TOP2B: variants seen among roughly 807,000 people sequenced by gnomAD.
TOP2B encodes DNA topoisomerase 2-beta.
A neutral mutation model predicts 193.5 loss-of-function variants in TOP2B; 51 were observed. The ratio of observed to expected loss-of-function variants is 0.26; its 90% CI spans 0.21 to 0.33. TOP2B has a LOEUF of 0.33. TOP2B is among the 10% of genes least tolerant of loss of function. TOP2B has a pLI of 1.00. For synonymous variants in TOP2B, 634 were observed against 635.7 expected (o/e 1.00, Z 0.04); for missense variants, 1,378 against 1,909.3 (o/e 0.72, Z 5.19).
intron 5 of TOP2B, 55 bp downstream of exon 5, chr3:25,638,110 A>T: frequency 6.9e-7 from 1 of 1,454,218 alleles, no homozygotes; most frequent in Non-Finnish European, 9.3e-7. Flanking sequence ...AGTAAGTTAT[A>T]CATTTTATAT....
intron 26 of TOP2B, 62 bp from the exon 27 acceptor site, chr3:25,615,350 A>G: frequency 6.4e-7 from 1 of 1,559,300 alleles, no homozygotes; most frequent in Non-Finnish European, 8.7e-7. Context: ...GGATAAATCA[A>G]AATACTTATT....
At chr3:25,608,089 A>G (rs1457212424) in intron 30 of TOP2B, among the ~76,000 whole-genome samples, 8 of 152,150 alleles carry the variant, frequency 5.3e-5, no homozygotes, top group African/African-American at 1.9e-4. Context: ...CGACACCTAA[A>G]CTTTCTCTTA....
intron 16 of TOP2B, 89 bp downstream of exon 16, chr3:25,627,098 G>C: frequency 1.1e-6 from 1 of 939,768 alleles, no homozygotes; most frequent in Non-Finnish European, 1.6e-6. Flanking sequence ...ATTCAAAAGA[G>C]ACTTATCATA....
intron 1 of TOP2B, among the ~76,000 whole-genome samples, chr3:25,647,742 CAA>C (rs889532668): frequency 6.6e-6 from 1 of 151,762 alleles, no homozygotes; most frequent in African/African-American, 2.4e-5. Context: ...GGATATATTA[CAA>C]AAAAAAGTTT....
At chr3:25,625,977 G>A (rs1438381677) in intron 18 of TOP2B, among the ~76,000 whole-genome samples, 1 of 152,028 alleles carries the variant, frequency 6.6e-6, no homozygotes, top group Non-Finnish European at 1.5e-5. Context: ...TTTGTGGCTA[G>A]AACTTGAGGG....
At chr3:25,601,625 T>A (rs932551062) in intron 33 of TOP2B, among the ~76,000 whole-genome samples, 2 of 151,788 alleles carry the variant, frequency 1.3e-5, no homozygotes, top group Non-Finnish European at 2.9e-5. Flanking sequence ...AAAAAAAAAA[T>A]TGAGTCGCCT....
chr3:25,631,039 TA>T, intron 10 of TOP2B, 100 bp from the exon 11 acceptor site: 1 of 1,100,672 alleles, frequency 9.1e-7, no homozygotes, highest in African/African-American at 1.6e-5. Flanking sequence ...TGTGCAATTT[TA>T]AGGTATTTTA....
rs952443408 is a variant in TOP2B, at chr3:25,601,182, T to C, written c.4533A>G (p.Pro1511=). 1.9e-6 allele frequency: 3 copies of C among 1,613,674 alleles called. No homozygotes were observed. The highest frequency in any genetic ancestry group is 2.5e-6 in the Non-Finnish European group (3 of 1,179,748). Residue 1511 remains proline, a synonymous_variant, in exon 34 of 36, where the codon CCA becomes CCG. Coordinates refer to ENST00000264331, the MANE Select transcript of TOP2B (RefSeq NM_001330700.2). Reference sequence around the variant, plus strand: ...CAGCCTCTACTACTTTCTTCTGTTTTGGGGCTCTCTTGGGCTTAGGGACTG... The same window carrying C: ...CAGCCTCTACTACTTTCTTCTGTTTCGGGGCTCTCTTGGGCTTAGGGACTG... ...SDTVPKPKRA[P]KQKKVVEAVN...
intron 34 of TOP2B, among the ~76,000 whole-genome samples, chr3:25,600,400 C>T (rs969974531): frequency 5.9e-5 from 9 of 152,180 alleles, no homozygotes; most frequent in Admixed American, 1.3e-4. Context: ...GGCTTTCAAT[C>T]CTGCATATCT....
intron 8 of TOP2B, among the ~76,000 whole-genome samples, chr3:25,633,231 A>G (rs979433462): frequency 6.6e-6 from 1 of 151,988 alleles, no homozygotes; most frequent in African/African-American, 2.4e-5. Context: ...CCTATGACCC[A>G]CTCCTCAGGA....
chr3:25,663,501 G>A (rs745995795), intron 1 of TOP2B, among the ~76,000 whole-genome samples: 2 of 152,118 alleles, frequency 1.3e-5, no homozygotes, highest in African/African-American at 2.4e-5. Flanking sequence ...CTACTTCCCA[G>A]CAAGAACTGA....
chr3:25,607,706 C>T (rs1702269272), intron 30 of TOP2B, among the ~76,000 whole-genome samples: 1 of 152,198 alleles, frequency 6.6e-6, no homozygotes, highest in Non-Finnish European at 1.5e-5. Context: ...AGCCATTATA[C>T]AAATGACAAC....
chr3:25,614,282 T>G (rs1050308413), intron 27 of TOP2B, among the ~76,000 whole-genome samples: 3 of 151,844 alleles, frequency 2.0e-5, no homozygotes, highest in Admixed American at 1.3e-4. Flanking sequence ...GTGACCAAAT[T>G]TAAAGCAATA....
chr3:25,661,289 G>A (rs535127371), intron 1 of TOP2B, among the ~76,000 whole-genome samples: 9 of 152,252 alleles, frequency 5.9e-5, no homozygotes, highest in South Asian at 2.1e-4. Context: ...GTGAGCCACC[G>A]CACCCGGCAG....
intron 3 of TOP2B, 102 bp from the exon 4 acceptor site, chr3:25,642,487 TG>T: frequency 1.8e-6 from 1 of 550,300 alleles, no homozygotes; most frequent in Non-Finnish European, 3.1e-6. Flanking sequence ...CATCTACATA[TG>T]GTAATAGTTA....
chr3:25,647,670 A>G (rs972703625), intron 1 of TOP2B, among the ~76,000 whole-genome samples: 16 of 151,980 alleles, frequency 1.1e-4, no homozygotes, highest in Non-Finnish European at 2.2e-4. Context: ...AGAATTTACA[A>G]CTTTTTCCAC....
intron 4 of TOP2B, among the ~76,000 whole-genome samples, chr3:25,640,982 A>G (rs984174776): frequency 6.6e-6 from 1 of 151,982 alleles, no homozygotes; most frequent in Admixed American, 6.6e-5. Context: ...GGTTTTCACC[A>G]TGTTGCCCAG....
intron 34 of TOP2B, 87 bp downstream of exon 34, chr3:25,601,013 T>G: frequency 7.1e-7 from 1 of 1,414,586 alleles, no homozygotes; most frequent in Non-Finnish European, 9.6e-7. Context: ...AATAGATACC[T>G]AGCCTCTCTA....
intron 27 of TOP2B, among the ~76,000 whole-genome samples, chr3:25,613,872 G>A (rs533460321): frequency 6.6e-6 from 1 of 152,242 alleles, no homozygotes; most frequent in African/African-American, 2.4e-5. Flanking sequence ...TAATTCCTAA[G>A]AAAGTGACTT....
Sources: gnomAD v4.1 joint callset for allele counts (sites outside exome capture counted in the v4.1 genomes callset) on GRCh38, gnomAD v4.1.1 for gene constraint, MANE v1.5 for transcripts, NCBI Gene and HGNC (gene_info 2026-07-23, HGNC 2026-07-21) for gene names.